The following GABRG2 variants were observed in gnomAD, a reference collection of about 807,000 sequenced individuals.
The protein encoded by GABRG2 is gamma-aminobutyric acid type A receptor subunit gamma2, also known as gamma-aminobutyric acid receptor subunit gamma-2.
Under a neutral mutation model 56.4 loss-of-function variants are expected in GABRG2, and 16 were observed. The observed-to-expected ratio is 0.28, with a 90% CI of 0.19 to 0.43. GABRG2 has a LOEUF of 0.43. Ranked by LOEUF, GABRG2 falls within the 20% of genes least tolerant of loss-of-function variation. GABRG2 has a pLI of 1.00. For missense variants in GABRG2, 327 were observed against 582.7 expected (o/e 0.56, Z 4.52); for synonymous variants, 208 against 205.5 (o/e 1.01, Z -0.10).
At chr5:162,084,402 C>T (rs1170196001) in intron 1 of GABRG2, among the ~76,000 whole-genome samples, 4 of 151,820 alleles carry the variant, frequency 2.6e-5, no homozygotes, top group African/African-American at 9.7e-5. Flanking sequence ...TGACGTCTGA[C>T]TTACCTAAAA....
chr5:162,095,312 G>A lies in GABRG2; in HGVS notation c.260-183G>A, dbSNP rs2963170. On this transcript the variant is annotated intron_variant, in intron 2 of 9. Transcript: ENST00000639213. The stretch of plus-strand genomic sequence containing the variant: ...GTGCTTGGTGCATGTGCATACTTAA[G>A]AAAGATATTTCTTTGAAAACAAAAT... Among the ~76,000 whole-genome samples, 151,977 of 152,286 alleles carry A rather than the reference G, an allele frequency of 1. 75,835 individuals carry two copies. Among genetic ancestry groups the A allele is most frequent in the East Asian group, 1 (5,178 of 5,178 alleles).
rs1409420818 is a variant in GABRG2, at chr5:162,068,038, C to G, written c.39C>G (p.Val13=). The change falls in exon 1 of 10, where the codon GTC becomes GTG. Residue 13 remains valine (V), a synonymous_variant. Transcript: ENST00000639213. ...ATATATGGAGCACAGGAAGCTCAGT[C>G]TACTCGACTCCTGTATTTTCACAGA... ...SPNIWSTGSS[V]YSTPVFSQKM... 1.2e-6 allele frequency: 2 copies of G among 1,612,640 alleles called. No individual in the cohort carries two copies. The highest frequency in any genetic ancestry group is 4.5e-5 in the East Asian group (2 of 44,794).
intron 6 of GABRG2, among the ~76,000 whole-genome samples, chr5:162,118,419 G>A (rs1762770553): frequency 6.6e-6 from 1 of 151,994 alleles, no homozygotes; most frequent in African/African-American, 2.4e-5. Flanking sequence ...GGTGTATCTT[G>A]ATCAAGGACA....
At chr5:162,069,327 C>G (rs1758484630) in intron 1 of GABRG2, among the ~76,000 whole-genome samples, 1 of 152,058 alleles carries the variant, frequency 6.6e-6, no homozygotes, top group African/African-American at 2.4e-5. Context: ...CATATCCTAC[C>G]AATATAAAGA....
chr5:162,133,959 A>C (rs951443774), intron 6 of GABRG2, among the ~76,000 whole-genome samples: 7 of 152,170 alleles, frequency 4.6e-5, no homozygotes, highest in Non-Finnish European at 1.0e-4. Flanking sequence ...CCTAAAGCTA[A>C]TACGTGCATT....
intron 6 of GABRG2, among the ~76,000 whole-genome samples, chr5:162,105,181 G>A (rs1761708708): frequency 6.6e-6 from 1 of 151,986 alleles, no homozygotes; most frequent in Non-Finnish European, 1.5e-5. Context: ...ACAGAGAGAA[G>A]CAAATAAAGG....
In GABRG2 at chr5:162,146,149, C is replaced by T. The variant is rs1251007457; in HGVS notation, c.923-2959C>T. On this transcript the variant is annotated intron_variant, in intron 7 of 9. Transcript: ENST00000639213. ...TTCTACCATGATAATATGGAAGACG[C>T]CAGACCCATATCACCTCCCCAGTCA... 1.6e-4 allele frequency among the ~76,000 whole-genome samples: 24 copies of T among 151,968 alleles called. 1 individual carries two copies. The highest frequency in any genetic ancestry group is 1.6e-3 in the Admixed American group (24 of 15,256).
intron 5 of GABRG2, 154 bp downstream of exon 5, chr5:162,101,471 C>G (rs966112801): frequency 1.6e-5 from 11 of 691,612 alleles, no homozygotes; most frequent in Non-Finnish European, 2.4e-5. Context: ...CATCTTAATC[C>G]CAGCTTGCTC....
intron 7 of GABRG2, 79 bp downstream of exon 7, chr5:162,142,395 G>A (rs1581440047): frequency 2.1e-6 from 3 of 1,432,826 alleles, no homozygotes; most frequent in East Asian, 2.3e-5. Flanking sequence ...TTTCTATGTT[G>A]ATCTGCTTTA....
intron 1 of GABRG2, among the ~76,000 whole-genome samples, chr5:162,071,789 G>A (rs542704998): frequency 2.0e-5 from 3 of 151,652 alleles, no homozygotes; most frequent in South Asian, 2.1e-4. Context: ...TTTCCTCAGC[G>A]TACTAAATTG....
In GABRG2 at chr5:162,139,208, CAT is replaced by C. The variant is rs372390509; in HGVS notation, c.770-2953_770-2952del. Among the ~76,000 whole-genome samples, 2 of 152,186 alleles carry C rather than the reference CAT, an allele frequency of 1.3e-5. 1 individual carries two copies. The highest frequency in any genetic ancestry group is 4.8e-5 in the African/African-American group (2 of 41,450). On this transcript the variant is annotated intron_variant, in intron 6 of 9. Coordinates refer to ENST00000639213, the MANE Select transcript of GABRG2 (RefSeq NM_198904.4). ...ACATAAAATACTGTAACTTTAATGT[CAT>C]ATGTTAGGATAAATCAATAGGAGGA...
At chr5:162,071,873 C>G (rs1024640863) in intron 1 of GABRG2, among the ~76,000 whole-genome samples, 1 of 151,586 alleles carries the variant, frequency 6.6e-6, no homozygotes, top group Non-Finnish European at 1.5e-5. Flanking sequence ...ATGGTAGGGA[C>G]TCTACCTTTC....
intron 1 of GABRG2, among the ~76,000 whole-genome samples, chr5:162,084,074 G>C (rs1561638173): frequency 3.3e-5 from 5 of 151,754 alleles, no homozygotes; most frequent in Admixed American, 2.0e-4. Context: ...GATATGCCAA[G>C]CTTGCTCTTG....
intron 6 of GABRG2, among the ~76,000 whole-genome samples, chr5:162,105,361 A>G (rs1422555324): frequency 6.6e-6 from 1 of 151,308 alleles, no homozygotes; most frequent in Non-Finnish European, 1.5e-5. Flanking sequence ...ATGCTTGAGT[A>G]TATTATTTTA....
chr5:162,130,890 G>A (rs1331870967), intron 6 of GABRG2, among the ~76,000 whole-genome samples: 1 of 151,976 alleles, frequency 6.6e-6, no homozygotes, highest in African/African-American at 2.4e-5. Flanking sequence ...CCCATAGAAG[G>A]CATGGAGAGA....
intron 1 of GABRG2, among the ~76,000 whole-genome samples, chr5:162,088,178 A>G (rs1251913009): frequency 6.6e-6 from 1 of 152,098 alleles, no homozygotes; most frequent in African/African-American, 2.4e-5. Flanking sequence ...GGCCCCATCC[A>G]TTGAACACCA....
At position 162,093,954 on chromosome 5, in the gene GABRG2, C is replaced by T; in HGVS notation, c.234C>T (p.Asp78=). 1 of 1,613,230 alleles carries T rather than the reference C, an allele frequency of 6.2e-7. No homozygotes were observed. Among genetic ancestry groups the T allele is most frequent in the Non-Finnish European group, 8.5e-7 (1 of 1,179,488 alleles). Residue 78 remains aspartate, a synonymous_variant, in exon 2 of 10, where the codon GAC becomes GAT. Transcript: ENST00000639213. ...VILNNLLEGY[D]NKLRPDIGVK... ...TAAACAACCTGCTGGAAGGATATGA[C>T]AATAAACTTCGGCCTGATATAGGAG... is the stretch of plus-strand genomic sequence containing the variant.
intron 1 of GABRG2, among the ~76,000 whole-genome samples, chr5:162,088,701 C>G (rs908666527): frequency 1.4e-4 from 22 of 152,126 alleles, no homozygotes; most frequent in African/African-American, 5.1e-4. Flanking sequence ...GTCCTAATTT[C>G]TTTCTCAAAG....
At chr5:162,068,287 C>T (rs969888601) in intron 1 of GABRG2, among the ~76,000 whole-genome samples, 181 bp downstream of exon 1, 1 of 151,878 alleles carries the variant, frequency 6.6e-6, no homozygotes, top group Non-Finnish European at 1.5e-5. Flanking sequence ...AGGTCACTTT[C>T]GTTAATGTAT....
Sources: allele counts gnomAD v4.1 joint callset (sites outside exome capture counted in the v4.1 genomes callset), GRCh38; gene constraint gnomAD v4.1.1; transcripts MANE v1.5; gene names NCBI Gene and HGNC (gene_info 2026-07-23, HGNC 2026-07-21).